The following ALPK1 variants were observed in gnomAD, a reference collection of about 807,000 sequenced individuals.
ALPK1 encodes alpha-protein kinase 1.
ALPK1 carries 110 observed loss-of-function variants against 120.6 expected under a neutral mutation model. That is an observed-to-expected ratio of 0.91 (90% CI 0.78 to 1.07). The LOEUF is 1.07. ALPK1 is among the 50% of genes least tolerant of loss of function. The probability of loss-of-function intolerance (pLI) is 0.00; values close to 1 mark genes in which losing one functional copy is unlikely to be tolerated. For synonymous variants in ALPK1, 582 were observed against 560.3 expected (o/e 1.04, Z -0.55); for missense variants, 1,498 against 1,483.9 (o/e 1.01, Z -0.16).
chr4:112,431,576 C>T lies in ALPK1; in HGVS notation c.2029C>T (p.His677Tyr). 6.2e-7 allele frequency: 1 copy of T among 1,614,206 alleles called. No individual in the cohort carries two copies. Among genetic ancestry groups the T allele is most frequent in the Non-Finnish European group, 8.5e-7 (1 of 1,180,044 alleles). Residue 677 changes from histidine (H) to tyrosine (Y), a missense_variant, in exon 11 of 16, where the codon CAT becomes TAT. By Grantham distance (83) the His-to-Tyr change is moderately conservative. Coordinates refer to ENST00000650871, the MANE Select transcript of ALPK1 (RefSeq NM_025144.4). ...GATGCCCTTGACACCCTTCTCGCCT[C>T]ATAATACCCCAGGCATTTTCTTGGC... is the stretch of plus-strand genomic sequence containing the variant. ...QQMPLTPFSP[H>Y]NTPGIFLAPG...
At chr4:112,369,339 T>A (rs973979835) in intron 2 of ALPK1, among the ~76,000 whole-genome samples, 2 of 152,160 alleles carry the variant, frequency 1.3e-5, no homozygotes, top group African/African-American at 4.8e-5. Flanking sequence ...CTACTGCCAA[T>A]CAGTGCAAGA....
chr4:112,400,347 G>A (rs902374513), intron 4 of ALPK1, among the ~76,000 whole-genome samples: 4 of 152,108 alleles, frequency 2.6e-5, no homozygotes, highest in African/African-American at 7.2e-5. Context: ...AACTCAAGAG[G>A]GTTGGCCAAA....
At chr4:112,329,834 G>A (rs1489757420) in intron 2 of ALPK1, among the ~76,000 whole-genome samples, 1 of 152,204 alleles carries the variant, frequency 6.6e-6, no homozygotes. Flanking sequence ...AGGGGTATAG[G>A]CCTGTCATGT....
chr4:112,374,002 G>C (rs1051518465), intron 2 of ALPK1, among the ~76,000 whole-genome samples: 31 of 152,170 alleles, frequency 2.0e-4, no homozygotes, highest in Non-Finnish European at 1.5e-5. Flanking sequence ...CTGAAGGCTG[G>C]AGTGGCTGTG....
chr4:112,427,798 G>A (rs1411435089), intron 9 of ALPK1, 133 bp downstream of exon 9: 1 of 657,118 alleles, frequency 1.5e-6, no homozygotes, highest in Non-Finnish European at 2.7e-6. Flanking sequence ...ACAAATGGGA[G>A]GAATCCTGGG....
intron 2 of ALPK1, among the ~76,000 whole-genome samples, chr4:112,343,897 A>T (rs979236210): frequency 6.6e-6 from 1 of 152,176 alleles, no homozygotes; most frequent in Non-Finnish European, 1.5e-5. Flanking sequence ...CCTTCATTTA[A>T]TTCTTGTCAG....
intron 4 of ALPK1, among the ~76,000 whole-genome samples, chr4:112,405,706 G>T (rs959523063): frequency 5.9e-5 from 9 of 152,238 alleles, no homozygotes; most frequent in Non-Finnish European, 1.2e-4. Context: ...CTCCCAAGTA[G>T]CTGAGATTAC....
intron 2 of ALPK1, among the ~76,000 whole-genome samples, chr4:112,320,897 CT>C (rs397941407): frequency 5.3e-4 from 65 of 123,598 alleles, no homozygotes; most frequent in Non-Finnish European, 5.4e-4. Context: ...CCATTTCTTT[CT>C]TTTTTTTTTT....
At chr4:112,358,136 C>T in intron 2 of ALPK1, 2 of 615,630 alleles carry the variant, frequency 3.2e-6, no homozygotes, top group South Asian at 2.9e-5. Flanking sequence ...GGGCCAGTTC[C>T]TCTCTGGGCA....
chr4:112,352,689 A>C (rs1730414370), intron 2 of ALPK1: 1 of 152,224 alleles, frequency 6.6e-6, no homozygotes, highest in Admixed American at 6.5e-5. Context: ...TGAAATGCAC[A>C]GATACAAAAG....
chr4:112,325,445 G>T (rs1164294466), intron 2 of ALPK1, among the ~76,000 whole-genome samples: 2 of 152,188 alleles, frequency 1.3e-5, no homozygotes, highest in Non-Finnish European at 2.9e-5. Context: ...TGCAGGGCAG[G>T]AATTAAGCTG....
At chr4:112,391,679 A>G (rs1315772858) in intron 4 of ALPK1, among the ~76,000 whole-genome samples, 1 of 152,232 alleles carries the variant, frequency 6.6e-6, no homozygotes, top group East Asian at 1.9e-4. Flanking sequence ...ATCAAGAAGC[A>G]CAAGGGTTGC....
chr4:112,391,916 T>C (rs1391262048), intron 4 of ALPK1, among the ~76,000 whole-genome samples: 1 of 152,024 alleles, frequency 6.6e-6, no homozygotes, highest in Non-Finnish European at 1.5e-5. Context: ...AGATTCTTAG[T>C]ATGTAAGCCT....
intron 2 of ALPK1, among the ~76,000 whole-genome samples, chr4:112,364,610 T>A (rs1731058980): frequency 6.6e-6 from 1 of 152,192 alleles, no homozygotes; most frequent in South Asian, 2.1e-4. Flanking sequence ...GGTTCACAGC[T>A]GAATTCTATC....
chr4:112,351,518 G>A (rs1004972172), intron 2 of ALPK1, among the ~76,000 whole-genome samples: 3 of 151,326 alleles, frequency 2.0e-5, no homozygotes, highest in African/African-American at 7.3e-5. Flanking sequence ...CTGTCACCCA[G>A]GCTGGAGTGC....
At chr4:112,357,776 C>A in intron 2 of ALPK1, 2 of 1,061,236 alleles carry the variant, frequency 1.9e-6, no homozygotes, top group African/African-American at 3.1e-5. Context: ...CGCATGGTGC[C>A]CTATGGGCTC....
chr4:112,297,592 C>A lies in ALPK1; in HGVS notation c.-153+123C>A, dbSNP rs1316813914. ...TGTTTATATTTAAATAACTTTAGAG[C>A]TCTAAGAACCTTTGCACTTCTATAA... On this transcript the variant is annotated intron_variant, in intron 1 of 15. Transcript: ENST00000650871. 4.0e-5 allele frequency: 6 copies of A among 150,104 alleles called. 1 individual carries two copies. Among genetic ancestry groups the A allele is most frequent in the Non-Finnish European group, 8.9e-5 (6 of 67,768 alleles). 9.3% of individuals were successfully genotyped at this position (150,104 alleles called of 1,614,324 possible).
intron 2 of ALPK1, among the ~76,000 whole-genome samples, chr4:112,325,081 C>T (rs550129103): frequency 3.0e-4 from 46 of 151,980 alleles, no homozygotes; most frequent in African/African-American, 1.1e-3. Context: ...ACATTGTAGG[C>T]TACTTGGCTT....
intron 4 of ALPK1, among the ~76,000 whole-genome samples, chr4:112,391,425 C>T (rs182459627): frequency 2.0e-5 from 3 of 152,296 alleles, no homozygotes; most frequent in Admixed American, 2.0e-4. Context: ...CACAGTCTTA[C>T]CATGTATCAT....
Sources: gnomAD v4.1 joint callset for allele counts (sites outside exome capture counted in the v4.1 genomes callset) on GRCh38, gnomAD v4.1.1 for gene constraint, MANE v1.5 for transcripts, NCBI Gene and HGNC (gene_info 2026-07-23, HGNC 2026-07-21) for gene names.